The following ARAP1 variants were observed in gnomAD, a reference collection of about 807,000 sequenced individuals.
The protein encoded by ARAP1 is arf-GAP with Rho-GAP domain, ANK repeat and PH domain-containing protein 1.
Under a neutral mutation model 172.2 loss-of-function variants are expected in ARAP1, and 76 were observed. The ratio of observed to expected loss-of-function variants is 0.44; its 90% CI spans 0.37 to 0.53. The LOEUF (loss-of-function observed/expected upper bound fraction) is 0.53. Among genes scored for constraint, ARAP1 ranks in the 20% least tolerant of loss-of-function variants. The pLI is 0.00. For missense variants in ARAP1, 1,686 were observed against 1,977.5 expected (o/e 0.85, Z 2.80); for synonymous variants, 804 against 803.3 (o/e 1.00, Z -0.01).
At chr11:72,707,522 G>T in intron 11 of ARAP1, 148 bp from the exon 12 acceptor site, 1 of 715,864 alleles carries the variant, frequency 1.4e-6, no homozygotes, top group Non-Finnish European at 2.2e-6. Context: ...GGGAAGGTAG[G>T]TGTGGACAAA....
rs751524202 is a variant in ARAP1, at chr11:72,702,900, C to T, written c.2167+5G>A. 2.6e-5 allele frequency: 40 copies of T among 1,552,560 alleles called. No homozygotes were observed. In the South Asian group the frequency reaches 4.8e-4, roughly 18 times the overall value. ...TGGTGGACCCCCACCCTCTGCCACG[C>T]TCACCTGTGGTCCGGTTGTTCCGAA... On this transcript the variant is annotated splice_donor_5th_base_variant and intron_variant, in intron 15 of 34. Coordinates refer to ENST00000393609, the MANE Select transcript of ARAP1 (RefSeq NM_001040118.3).
At position 72,712,317 on chromosome 11, in the gene ARAP1, G is replaced by C; in HGVS notation, c.901C>G (p.Leu301Val). The C allele has an allele frequency of 6.4e-7, 1 of 1,563,440 alleles. No individual in the cohort carries two copies. Among genetic ancestry groups the C allele is most frequent in the Non-Finnish European group, 8.7e-7 (1 of 1,149,854 alleles). ...ATTGTGCTGGGCAAGGACAAGCTCAGGCTGCTGGTATGCCATCCGCCACTA... is the reference window on the plus strand; with the variant it reads ...ATTGTGCTGGGCAAGGACAAGCTCACGCTGCTGGTATGCCATCCGCCACTA... ...VPNGGWHTSS[L>V]SLSLPSTIAA... is the part of the protein sequence containing the mutation. The change falls in exon 7 of 35, where the codon CTG (leucine) becomes GTG (valine). Residue 301 changes from leucine to valine, a missense_variant. Physicochemically the swap from Leu to Val is conservative, Grantham distance 32. Coordinates refer to ENST00000393609, the MANE Select transcript of ARAP1 (RefSeq NM_001040118.3).
rs1856973883 is a variant in ARAP1, at chr11:72,710,657, C to G, written c.1214-70G>C. 2 of 1,456,902 alleles carry G rather than the reference C, an allele frequency of 1.4e-6. No individual in the cohort carries two copies. Among genetic ancestry groups the G allele is most frequent in the African/African-American group, 2.8e-5 (2 of 70,992 alleles). The allele number at this position is 1,456,902 out of a possible 1,614,324, so 90.2% of individuals were successfully genotyped here. On this transcript the variant is annotated intron_variant, in intron 9 of 34. Coordinates refer to ENST00000393609, the MANE Select transcript of ARAP1 (RefSeq NM_001040118.3). The surrounding 1 kb of genome is among the most constrained non-coding windows in gnomAD (Gnocchi z 4.3). Reference sequence around the variant, plus strand: ...CCCTCAGGGGTCTCCTGGCCCTAGGCTCCTCATGCAACACCTCCTCCAGAA... The same window carrying G: ...CCCTCAGGGGTCTCCTGGCCCTAGGGTCCTCATGCAACACCTCCTCCAGAA...
At chr11:72,752,042 C>T (rs1038535492) in intron 1 of ARAP1, among the ~76,000 whole-genome samples, 7 of 152,214 alleles carry the variant, frequency 4.6e-5, no homozygotes, top group Non-Finnish European at 7.3e-5. Context: ...GATGGGAACC[C>T]CAAGGCGCCC....
chr11:72,749,496 G>A (rs1389822398), intron 1 of ARAP1, among the ~76,000 whole-genome samples: 2 of 152,190 alleles, frequency 1.3e-5, no homozygotes, highest in East Asian at 3.8e-4. Context: ...TGATATTGGA[G>A]GGTGATGGTC....
In ARAP1 at chr11:72,726,022, C is replaced by T. The variant is rs1229768630; in HGVS notation, c.509+598G>A. Reference sequence around the variant, plus strand: ...ATATCCACAGGAGCCAGAGGAAACTCAAGAAAACACAGGGTACCAGAAGCC... The same window carrying T: ...ATATCCACAGGAGCCAGAGGAAACTTAAGAAAACACAGGGTACCAGAAGCC... On this transcript the variant is annotated intron_variant, in intron 3 of 34. Coordinates refer to ENST00000393609, the MANE Select transcript of ARAP1 (RefSeq NM_001040118.3). The surrounding 1 kb of genome is among the most constrained non-coding windows in gnomAD (Gnocchi z 6.5). Among the ~76,000 whole-genome samples the T allele has an allele frequency of 6.6e-6, 1 of 152,128 alleles. No individual in the cohort carries two copies. Among genetic ancestry groups the T allele is most frequent in the Non-Finnish European group, 1.5e-5 (1 of 68,004 alleles).
At position 72,710,917 on chromosome 11, in the gene ARAP1, G is replaced by A. The variant is rs1336492049; in HGVS notation, c.1213+104C>T. 1.5e-5 allele frequency: 23 copies of A among 1,569,630 alleles called. No homozygotes were observed. In the South Asian group the frequency reaches 2.5e-4, roughly 17 times the overall value. On this transcript the variant is annotated intron_variant, in intron 9 of 34. Coordinates refer to ENST00000393609, the MANE Select transcript of ARAP1 (RefSeq NM_001040118.3). This position sits in a 1 kb window ranked among gnomAD's most constrained non-coding sequence, Gnocchi z 4.3. The stretch of plus-strand genomic sequence containing the variant: ...GGCAGCATGCCTCCCCGGATGTGAT[G>A]TGAGAGGGCAGATGCACCATGACTC...
In ARAP1 at chr11:72,704,325, G is replaced by T. The variant is rs777098957; in HGVS notation, c.1819C>A (p.Gln607Lys). ...CGGTTCCCAGCGCCATTCCCCAGCT[G>T]TAAGAAGAGCTGTGGGGGTGTGCAG... ...WTETLIELFL[Q>K]LGNGAGNRFW... The change falls in exon 14 of 35, where the codon CAG becomes AAG. Residue 607 changes from glutamine to lysine, a missense_variant. By Grantham distance (53) the Gln-to-Lys change is moderately conservative. Coordinates refer to ENST00000393609, the MANE Select transcript of ARAP1 (RefSeq NM_001040118.3). 1 of 1,589,074 alleles carries T rather than the reference G, an allele frequency of 6.3e-7. No homozygotes were observed. Among genetic ancestry groups the T allele is most frequent in the African/African-American group, 1.3e-5 (1 of 74,488 alleles).
intron 15 of ARAP1, 120 bp downstream of exon 15, chr11:72,702,785 T>G: frequency 7.8e-7 from 1 of 1,285,812 alleles, no homozygotes; most frequent in Non-Finnish European, 1.1e-6. Flanking sequence ...ACACCCCAGC[T>G]CACACATGAT....
chr11:72,693,219 A>C lies in ARAP1; in HGVS notation c.3954+106T>G. 1 of 1,480,990 alleles carries C rather than the reference A, an allele frequency of 6.8e-7. No homozygotes were observed. Among genetic ancestry groups the C allele is most frequent in the Non-Finnish European group, 9.1e-7 (1 of 1,094,672 alleles). The allele number at this position is 1,480,990 out of a possible 1,614,324, so 91.7% of individuals were successfully genotyped here. On this transcript the variant is annotated intron_variant, in intron 29 of 34. Coordinates refer to ENST00000393609, the MANE Select transcript of ARAP1 (RefSeq NM_001040118.3). The surrounding 1 kb of genome is among the most constrained non-coding windows in gnomAD (Gnocchi z 4.6). ...TCTCCCCCACTGCTGTGCCATCCTG[A>C]GAGCCTGTAACGGGAATATTTCCAC...
intron 3 of ARAP1, among the ~76,000 whole-genome samples, chr11:72,724,361 G>T (rs1386910894): frequency 6.6e-6 from 1 of 152,132 alleles, no homozygotes; most frequent in Non-Finnish European, 1.5e-5. Context: ...CTAAGGTTGA[G>T]AGAGTGAGTT....
At position 72,712,571 on chromosome 11, in the gene ARAP1, G is replaced by T; in HGVS notation, c.748-3C>A. On this transcript the variant is annotated splice_polypyrimidine_tract_variant and splice_region_variant and intron_variant, in intron 5 of 34. Transcript: ENST00000393609. ...ACTCGGCTCGGTGGGGGCTCCTCCT[G>T]CCCCCGAGACCCACTCAGCGTCATC... The T allele has an allele frequency of 6.2e-7, 1 of 1,611,422 alleles. No homozygotes were observed. The highest frequency in any genetic ancestry group is 8.5e-7 in the Non-Finnish European group (1 of 1,179,816).
chr11:72,688,996 T>G (rs1308997521), intron 30 of ARAP1: 1 of 160,560 alleles, frequency 6.2e-6, no homozygotes, highest in Non-Finnish European at 1.4e-5. Flanking sequence ...AGATTATTCA[T>G]TTCTCAGCCC....
intron 30 of ARAP1, among the ~76,000 whole-genome samples, chr11:72,691,651 C>A (rs925926524): frequency 1.3e-5 from 2 of 152,124 alleles, no homozygotes; most frequent in African/African-American, 4.8e-5. Context: ...GGCAGCCAAG[C>A]CTGTTCAGAT....
intron 1 of ARAP1, among the ~76,000 whole-genome samples, chr11:72,742,385 G>A (rs923457876): frequency 3.9e-5 from 6 of 152,190 alleles, no homozygotes; most frequent in African/African-American, 1.2e-4. Flanking sequence ...CTAGCAAGCA[G>A]GTGGCTTCAG....
Position 72,727,181 on chromosome 11 carries a change from G to A in ARAP1, c.-44-9C>T, listed in dbSNP as rs1297229230. 3.3e-6 allele frequency: 5 copies of A among 1,510,618 alleles called. No homozygotes were observed. Among genetic ancestry groups the A allele is most frequent in the Non-Finnish European group, 2.7e-6 (3 of 1,129,210 alleles). The allele number at this position is 1,510,618 out of a possible 1,614,324, so 93.6% of individuals were successfully genotyped here. A position where few individuals can be genotyped will look rare whatever the true frequency, so the allele number is the denominator to read the frequency against. ...CAGGGCTTTGTCCAGAGCTAGAATA[G>A]ACAGACAGGCACAGGTCAGAGGCAG... On this transcript the variant is annotated splice_polypyrimidine_tract_variant and intron_variant, in intron 2 of 34. Coordinates refer to ENST00000393609, the MANE Select transcript of ARAP1 (RefSeq NM_001040118.3).
chr11:72,735,142 G>C (rs1475361956), intron 1 of ARAP1, among the ~76,000 whole-genome samples: 3 of 151,878 alleles, frequency 2.0e-5, no homozygotes, highest in Non-Finnish European at 4.4e-5. Context: ...CACCACGCCC[G>C]GCTAATTTTT....
In ARAP1 at chr11:72,741,964, A is replaced by G. The variant is rs1858212445; in HGVS notation, c.-127-9367T>C. Among the ~76,000 whole-genome samples the G allele has an allele frequency of 6.6e-6, 1 of 152,160 alleles. No homozygotes were observed. Among genetic ancestry groups the G allele is most frequent in the African/African-American group, 2.4e-5 (1 of 41,440 alleles). ...AGGGACCCAGACCTGCCTACTCTCT[A>G]GATGGCCCCTGGAATGCAGAAGACA... On this transcript the variant is annotated intron_variant, in intron 1 of 34. Coordinates refer to ENST00000393609, the MANE Select transcript of ARAP1 (RefSeq NM_001040118.3). The surrounding 1 kb of genome is among the most constrained non-coding windows in gnomAD (Gnocchi z 4.5).
intron 1 of ARAP1, among the ~76,000 whole-genome samples, chr11:72,743,253 A>C (rs1300997955): frequency 6.6e-6 from 1 of 152,244 alleles, no homozygotes; most frequent in Non-Finnish European, 1.5e-5. Flanking sequence ...TATTTGTGAA[A>C]TGTATGAATG....
Sources: gnomAD v4.1 joint callset for allele counts (sites outside exome capture counted in the v4.1 genomes callset) on GRCh38, gnomAD v4.1.1 for gene constraint, Gnocchi (gnomAD v3.1) non-coding constraint, MANE v1.5 for transcripts, NCBI Gene and HGNC (gene_info 2026-07-23, HGNC 2026-07-21) for gene names.